The following ACYP2 variants were observed in gnomAD, a reference collection of about 807,000 sequenced individuals.
The protein encoded by ACYP2 is acylphosphatase 2, also known as acylphosphatase-2.
ACYP2 carries 12 observed loss-of-function variants against 11.2 expected under a neutral mutation model. The ratio of observed to expected loss-of-function variants is 1.08; its 90% CI spans 0.69 to 1.74. The LOEUF (loss-of-function observed/expected upper bound fraction) is 1.74, where lower values mean the gene tolerates loss of function less well. Ranked by LOEUF, ACYP2 falls within the 40% of genes most tolerant of loss-of-function variation. The pLI is 0.00. For missense variants in ACYP2, 134 were observed against 101.9 expected (o/e 1.31, Z -1.35); for synonymous variants, 43 against 32.2 (o/e 1.33, Z -1.13).
chr2:53,987,839 G>T (rs1173553069), intron 2 of ACYP2, among the ~76,000 whole-genome samples: 1 of 151,886 alleles, frequency 6.6e-6, no homozygotes, highest in Non-Finnish European at 1.5e-5. Context: ...TTGCTTGTGG[G>T]TTTTTTTGTT....
At chr2:54,201,582 TTTTCTTTCTTTCTCTTTC>T (rs1435704075) in intron 6 of ACYP2, among the ~76,000 whole-genome samples, 2 of 111,962 alleles carry the variant, frequency 1.8e-5, no homozygotes, top group Non-Finnish European at 3.9e-5. Flanking sequence ...GCCAGCTTCT[TTTTCTTTCTTTCTCTTTC>T]TTTCTTTCTT....
intron 6 of ACYP2, among the ~76,000 whole-genome samples, chr2:54,272,249 G>C (rs1469673001): frequency 1.3e-5 from 2 of 152,154 alleles, no homozygotes; most frequent in African/African-American, 2.4e-5. Context: ...ACACTGAGGG[G>C]CCTAACTATG....
At position 54,024,491 on chromosome 2, in the gene ACYP2, G is replaced by A. The variant is rs140870263; in HGVS notation, c.63-26467G>A. On this transcript the variant is annotated intron_variant, in intron 2 of 6. Coordinates refer to ENST00000607452, the MANE Select transcript of ACYP2 (RefSeq NM_001320586.2). ...AAACAGAATTAAAAACAAAAACCAC[G>A]TGATCATCTTAATAGATGCAGAAAA... Among the ~76,000 whole-genome samples, 547 of 152,226 alleles carry A rather than the reference G, an allele frequency of 3.6e-3. 5 individuals carry two copies. The highest frequency in any genetic ancestry group is 0.012 in the African/African-American group (506 of 41,542).
intron 4 of ACYP2, among the ~76,000 whole-genome samples, chr2:54,093,064 C>G (rs560350360): frequency 6.6e-6 from 1 of 152,254 alleles, no homozygotes; most frequent in South Asian, 2.1e-4. Context: ...CAGGTAAACT[C>G]CTCCTGCAGC....
chr2:54,301,853 G>T (rs888614404), intron 6 of ACYP2, among the ~76,000 whole-genome samples: 5 of 152,154 alleles, frequency 3.3e-5, no homozygotes, highest in African/African-American at 1.2e-4. Context: ...CTCAGGGCCT[G>T]CCAAGTGACA....
intron 4 of ACYP2, among the ~76,000 whole-genome samples, chr2:54,064,598 G>A (rs535891817): frequency 8.5e-4 from 129 of 152,308 alleles, no homozygotes; most frequent in African/African-American, 3.1e-3. Context: ...AGAGCCCTGA[G>A]TGTACTTAGT....
chr2:54,097,944 G>T (rs1401966033), intron 4 of ACYP2, among the ~76,000 whole-genome samples: 208 of 79,894 alleles, frequency 2.6e-3, no homozygotes, highest in Admixed American at 3.5e-3. Flanking sequence ...TCCTTCCCTT[G>T]TTTCTTTCTC....
intron 6 of ACYP2, among the ~76,000 whole-genome samples, chr2:54,238,418 A>G (rs1040854930): frequency 6.6e-6 from 1 of 152,156 alleles, no homozygotes; most frequent in Non-Finnish European, 1.5e-5. Flanking sequence ...TGATTAATAG[A>G]TAGAAGATAT....
At chr2:54,117,560 A>G (rs1030142233) in intron 4 of ACYP2, among the ~76,000 whole-genome samples, 1 of 152,148 alleles carries the variant, frequency 6.6e-6, no homozygotes. Context: ...TCCCAAAGTG[A>G]TGGGATTACA....
chr2:53,975,367 G>C (rs1416409508), intron 2 of ACYP2: 1 of 398,096 alleles, frequency 2.5e-6, no homozygotes, highest in Non-Finnish European at 4.4e-6. Flanking sequence ...AAGTTTCATG[G>C]AGAACACTAT....
At chr2:54,066,124 A>G (rs948482768) in intron 4 of ACYP2, 3 of 152,196 alleles carry the variant, frequency 2.0e-5, no homozygotes, top group African/African-American at 7.2e-5. Flanking sequence ...TCTCCACCCA[A>G]ATCTCATCTG....
chr2:54,265,518 A>G (rs1195916456), intron 6 of ACYP2, among the ~76,000 whole-genome samples: 1 of 152,162 alleles, frequency 6.6e-6, no homozygotes, highest in Non-Finnish European at 1.5e-5. Flanking sequence ...TCTCCTTTTG[A>G]CAATGGATGA....
chr2:54,183,766 T>C (rs1683849516), intron 6 of ACYP2, among the ~76,000 whole-genome samples: 1 of 152,208 alleles, frequency 6.6e-6, no homozygotes, highest in Admixed American at 6.5e-5. Context: ...TTATAATTTA[T>C]GAATGTATTT....
chr2:54,008,524 C>T (rs1247716710), intron 2 of ACYP2, among the ~76,000 whole-genome samples: 1 of 152,164 alleles, frequency 6.6e-6, no homozygotes, highest in Non-Finnish European at 1.5e-5. Context: ...AAGTGAATCA[C>T]TCCACTTCTG....
intron 2 of ACYP2, among the ~76,000 whole-genome samples, chr2:54,028,128 C>G (rs890173184): frequency 1.3e-5 from 2 of 152,110 alleles, no homozygotes; most frequent in African/African-American, 4.8e-5. Flanking sequence ...TAAGCATGTG[C>G]CACCGTGCCT....
At chr2:54,074,581 TG>T (rs1370473124) in intron 4 of ACYP2, among the ~76,000 whole-genome samples, 17 of 25,382 alleles carry the variant, frequency 6.7e-4, no homozygotes, top group African/African-American at 2.0e-3. Flanking sequence ...ACAGAATTTG[TG>T]TGTGTGTGTG....
chr2:54,115,700 T>C (rs1679719086), intron 4 of ACYP2: 3 of 1,612,236 alleles, frequency 1.9e-6, no homozygotes, highest in Admixed American at 1.7e-5. Flanking sequence ...GCCGCCGCCA[T>C]GTCTACCGCC....
At chr2:54,135,811 G>A (rs544093924) in intron 5 of ACYP2, among the ~76,000 whole-genome samples, 2 of 152,318 alleles carry the variant, frequency 1.3e-5, no homozygotes, top group South Asian at 2.1e-4. Context: ...CGGTACATAT[G>A]TTGCACTGCA....
At chr2:54,069,626 C>T (rs888043567) in intron 4 of ACYP2, among the ~76,000 whole-genome samples, 10 of 152,138 alleles carry the variant, frequency 6.6e-5, no homozygotes, top group Admixed American at 3.3e-4. Flanking sequence ...TGCGCCACTG[C>T]ACTCCAGCCT....
Sources: gnomAD v4.1 joint callset for allele counts (sites outside exome capture counted in the v4.1 genomes callset) on GRCh38, gnomAD v4.1.1 for gene constraint, MANE v1.5 for transcripts, NCBI Gene and HGNC (gene_info 2026-07-23, HGNC 2026-07-21) for gene names.